The following TDRD5 variants were observed in gnomAD, a reference collection of about 807,000 sequenced individuals.
TDRD5 encodes tudor domain containing 5, also known as tudor domain-containing protein 5.
A neutral mutation model predicts 120.6 loss-of-function variants in TDRD5; 41 were observed. The observed-to-expected ratio is 0.34, with a 90% CI of 0.26 to 0.44. The LOEUF (loss-of-function observed/expected upper bound fraction) is 0.44, where lower values mean the gene tolerates loss of function less well. TDRD5 is among the 20% of genes least tolerant of loss of function. TDRD5 has a pLI of 1.00. For synonymous variants in TDRD5, 430 were observed against 433.7 expected (o/e 0.99, Z 0.11); for missense variants, 1,006 against 1,221.2 (o/e 0.82, Z 2.63).
rs775128320 is a variant in TDRD5 at position 179,650,886 on chromosome 1, C to G, written c.1820C>G (p.Ala607Gly). ...TTTCAGGAACACTGGACATCGAAAG[C>G]TATTTTGCAGTTCCAGAAGTTGTGC... ...RPVEEHWTSK[A>G]ILQFQKLCGL... The change falls in exon 12 of 18, where the codon GCT (alanine) becomes GGT (glycine). Residue 607 changes from alanine (A) to glycine (G), a missense_variant. By Grantham distance (60) the Ala-to-Gly change is moderately conservative. Transcript: ENST00000444136. 3.7e-6 allele frequency: 6 copies of G among 1,613,958 alleles called. No individual in the cohort carries two copies. The highest frequency in any genetic ancestry group is 5.1e-6 in the Non-Finnish European group (6 of 1,179,992).
chr1:179,612,401 T>G (rs886316701), intron 4 of TDRD5, among the ~76,000 whole-genome samples: 7 of 152,078 alleles, frequency 4.6e-5, no homozygotes, highest in African/African-American at 1.7e-4. Context: ...GAGAGGGAAT[T>G]TAGAGGAGAA....
At chr1:179,616,525 A>C (rs1215000162) in intron 4 of TDRD5, among the ~76,000 whole-genome samples, 4 of 152,146 alleles carry the variant, frequency 2.6e-5, no homozygotes. Flanking sequence ...AGTTCTGATA[A>C]TCTGTCTCCC....
intron 2 of TDRD5, 28 bp downstream of exon 2, chr1:179,592,875 A>G: frequency 6.3e-7 from 1 of 1,592,772 alleles, no homozygotes; most frequent in Non-Finnish European, 8.6e-7. Context: ...GAAGGTCTAT[A>G]AACTTTGTAA....
chr1:179,673,827 C>G (rs1679977431), intron 17 of TDRD5, among the ~76,000 whole-genome samples: 1 of 152,066 alleles, frequency 6.6e-6, no homozygotes, highest in Non-Finnish European at 1.5e-5. Flanking sequence ...TTTCCTTTCA[C>G]AAGTTCTTGA....
At chr1:179,646,146 G>A (rs1197715954) in intron 11 of TDRD5, among the ~76,000 whole-genome samples, 1 of 151,980 alleles carries the variant, frequency 6.6e-6, no homozygotes, top group Non-Finnish European at 1.5e-5. Context: ...CACCATGCAT[G>A]CCTTATTTTG....
chr1:179,599,547 T>A (rs1036641354), intron 4 of TDRD5, among the ~76,000 whole-genome samples: 11 of 152,114 alleles, frequency 7.2e-5, no homozygotes, highest in East Asian at 1.9e-4. Flanking sequence ...TTTTTTTTTT[T>A]TAAATGAGCC....
At chr1:179,666,652 C>T (rs540474268) in intron 16 of TDRD5, among the ~76,000 whole-genome samples, 16 of 152,278 alleles carry the variant, frequency 1.1e-4, no homozygotes, top group African/African-American at 3.4e-4. Flanking sequence ...CCCATGTTTT[C>T]ATTTATCTTA....
rs576755602 is a variant in TDRD5, at chr1:179,646,300, T to A, written c.1801-4567T>A. Among the ~76,000 whole-genome samples the A allele has an allele frequency of 3.3e-5, 5 of 152,352 alleles. No individual in the cohort carries two copies. In the South Asian group the frequency reaches 6.2e-4, roughly 19 times the overall value. ...CTTCTAACCTGTTTTTGTTGTGTAA[T>A]GTTATTTTTAACCCCTCAAGAAATT... On this transcript the variant is annotated intron_variant, in intron 11 of 17. Coordinates refer to ENST00000444136, the MANE Select transcript of TDRD5 (RefSeq NM_001199085.3).
chr1:179,593,613 C>G lies in TDRD5; in HGVS notation c.386C>G (p.Pro129Arg). The change falls in exon 3 of 18, where the codon CCT becomes CGT. Residue 129 changes from proline (P) to arginine (R), a missense_variant. Pro to Arg is a moderately radical substitution (Grantham distance 103, BLOSUM62 -2). Coordinates refer to ENST00000444136, the MANE Select transcript of TDRD5 (RefSeq NM_001199085.3). ...RRVPYRGRVA[P>R]ILPAVVKSEL... ...GTACCTTACCGAGGAAGGGTTGCCC[C>G]TATTCTTCCAGCTGTTGTGAAGAGT... The G allele has an allele frequency of 6.2e-7, 1 of 1,614,226 alleles. No homozygotes were observed. Among genetic ancestry groups the G allele is most frequent in the Non-Finnish European group, 8.5e-7 (1 of 1,180,040 alleles).
intron 17 of TDRD5, among the ~76,000 whole-genome samples, chr1:179,676,039 A>G (rs1680130864): frequency 6.6e-6 from 1 of 152,124 alleles, no homozygotes; most frequent in African/African-American, 2.4e-5. Flanking sequence ...CTCCAGTGTT[A>G]GGTGCATGTA....
At chr1:179,674,504 T>TG (rs943319376) in intron 17 of TDRD5, among the ~76,000 whole-genome samples, 73 of 152,298 alleles carry the variant, frequency 4.8e-4, no homozygotes, top group African/African-American at 1.6e-3. Flanking sequence ...GTAGTTTTTT[T>TG]TTGTTGTTGT....
intron 15 of TDRD5, 51 bp from the exon 16 acceptor site, chr1:179,663,297 G>T: frequency 6.5e-7 from 1 of 1,543,644 alleles, no homozygotes; most frequent in Non-Finnish European, 8.7e-7. Flanking sequence ...TCCTCTTTTT[G>T]GGTCATGTTG....
intron 6 of TDRD5, among the ~76,000 whole-genome samples, chr1:179,630,320 A>G (rs1677365886): frequency 6.6e-6 from 1 of 152,322 alleles, no homozygotes; most frequent in East Asian, 1.9e-4. Context: ...CTAAGGTGAA[A>G]TAATAAACAA....
intron 3 of TDRD5, 145 bp downstream of exon 3, chr1:179,594,012 C>G (rs1675257135): frequency 9.7e-7 from 1 of 1,035,318 alleles, no homozygotes. Context: ...TCTACTTAAG[C>G]CTTAGTTTTC....
intron 17 of TDRD5, among the ~76,000 whole-genome samples, chr1:179,683,296 T>G (rs1680528844): frequency 6.6e-6 from 1 of 152,198 alleles, no homozygotes; most frequent in African/African-American, 2.4e-5. Flanking sequence ...TCCAGTTGTG[T>G]AAGGCAAGAG....
rs35873475 is a variant in TDRD5 at position 179,668,741 on chromosome 1, C to CTTTTTTT, written c.2650-440_2650-434dup. Among the ~76,000 whole-genome samples the CTTTTTTT allele has an allele frequency of 6.7e-4, 74 of 110,312 alleles. 2 individuals carry two copies. Among genetic ancestry groups the CTTTTTTT allele is most frequent in the African/African-American group, 1.4e-3 (39 of 28,628 alleles). 72.4% of individuals were successfully genotyped at this position (110,312 alleles called of 152,430 possible). ...GCTTTTTCTAGAGAGTATCTAGGTTCTTTTTTTTTTTTTTTTTTTGTGATG... is the reference window on the plus strand; with the variant it reads ...GCTTTTTCTAGAGAGTATCTAGGTTCTTTTTTTTTTTTTTTTTTTTTTTTTTGTGATG... On this transcript the variant is annotated intron_variant, in intron 16 of 17. Coordinates refer to ENST00000444136, the MANE Select transcript of TDRD5 (RefSeq NM_001199085.3).
chr1:179,631,851 ATTTTTTT>A (rs745777571), intron 7 of TDRD5, among the ~76,000 whole-genome samples: 6 of 74,370 alleles, frequency 8.1e-5, no homozygotes, highest in Non-Finnish European at 1.5e-4. Flanking sequence ...AGGGCACTTG[ATTTTTTT>A]TTTTTTTTTT....
intron 4 of TDRD5, among the ~76,000 whole-genome samples, chr1:179,603,983 T>G (rs1675844584): frequency 6.6e-6 from 1 of 152,186 alleles, no homozygotes; most frequent in South Asian, 2.1e-4. Context: ...TCTATTAGAA[T>G]TCTGCTGTGA....
intron 7 of TDRD5, among the ~76,000 whole-genome samples, chr1:179,631,793 CTT>C (rs1015234677): frequency 1.3e-4 from 17 of 135,466 alleles, no homozygotes; most frequent in Non-Finnish European, 2.2e-4. Flanking sequence ...CCAAGAATGT[CTT>C]TTTTCTGTTT....
Sources: gnomAD v4.1 joint callset for allele counts (sites outside exome capture counted in the v4.1 genomes callset) on GRCh38, gnomAD v4.1.1 for gene constraint, MANE v1.5 for transcripts, NCBI Gene and HGNC (gene_info 2026-07-23, HGNC 2026-07-21) for gene names.